The following OTUD4 variants were observed in gnomAD, a reference collection of about 807,000 sequenced individuals.
The protein encoded by OTUD4 is OTU domain-containing protein 4.
Under a neutral mutation model 130.4 loss-of-function variants are expected in OTUD4, and 24 were observed. The observed-to-expected ratio is 0.18, with a 90% CI of 0.13 to 0.26. The LOEUF is 0.26. Ranked by LOEUF, OTUD4 falls within the 10% of genes least tolerant of loss-of-function variation. OTUD4 has a pLI of 1.00. For missense variants in OTUD4, 1,031 were observed against 1,329.4 expected (o/e 0.78, Z 3.49); for synonymous variants, 420 against 472.5 (o/e 0.89, Z 1.44).
intron 2 of OTUD4, 112 bp downstream of exon 2, chr4:145,174,549 T>G: frequency 1.6e-6 from 1 of 640,904 alleles, no homozygotes. Flanking sequence ...ATAAGTGTTA[T>G]TTTCATAACC....
At chr4:145,149,533 CTTT>C (rs1294338949) in intron 13 of OTUD4, 2 of 152,064 alleles carry the variant, frequency 1.3e-5, no homozygotes, top group Non-Finnish European at 2.9e-5. Flanking sequence ...TCTTTCCTTT[CTTT>C]TTAAGACTAG....
intron 1 of OTUD4, 57 bp downstream of exon 1, chr4:145,179,756 CAG>C: frequency 1.4e-6 from 2 of 1,447,034 alleles, no homozygotes; most frequent in Non-Finnish European, 1.8e-6. Context: ...CCTCCCCACC[CAG>C]ACCCGCCGGG....
In OTUD4 at chr4:145,137,303, G is replaced by A. The variant is rs1579236422; in HGVS notation, c.*127C>T. The A allele has an allele frequency of 5.3e-6, 4 of 750,636 alleles. No homozygotes were observed. The East Asian group carries it at 7.5e-5, about 14-fold the overall frequency. The allele number at this position is 750,636 out of a possible 1,614,324, so 46.5% of individuals were successfully genotyped here. On this transcript the variant is annotated 3_prime_UTR_variant, in exon 21 of 21. Transcript: ENST00000447906. ...AAAATGTCTTGTCCAGTATGGGAGT[G>A]AAGGTAAGGGGGGCTGGGGAGAGGA...
chr4:145,154,905 C>T (rs1751216938), intron 10 of OTUD4, among the ~76,000 whole-genome samples: 1 of 152,244 alleles, frequency 6.6e-6, no homozygotes, highest in Non-Finnish European at 1.5e-5. Flanking sequence ...TTTAATCCAA[C>T]TTTTTCCTTT....
intron 14 of OTUD4, among the ~76,000 whole-genome samples, chr4:145,144,931 G>A (rs552652030): frequency 1.3e-5 from 2 of 152,220 alleles, no homozygotes; most frequent in East Asian, 3.9e-4. Context: ...AAATAAGTGA[G>A]GTTTTTAAGC....
intron 8 of OTUD4, 106 bp from the exon 9 acceptor site, chr4:145,155,792 AT>A: frequency 9.9e-7 from 1 of 1,011,746 alleles, no homozygotes; most frequent in East Asian, 2.5e-5. Context: ...ACTTCAAAAA[AT>A]TAGGAAGCCA....
rs1751458340 is a variant in OTUD4, at chr4:145,159,595, A to G, written c.537T>C (p.Thr179=). ...YELLYEKVFK[T]DVSKIVMELD... is the part of the protein sequence containing the mutation. ...GTTCCATCACAATTTTACTAACATC[A>G]GTTTTAAATACCTTCTCATACAGCA... The change falls in exon 7 of 21, where the codon ACT becomes ACC. Residue 179 remains threonine (T), a synonymous_variant. Transcript: ENST00000447906. 2.5e-6 allele frequency: 4 copies of G among 1,613,238 alleles called. No individual in the cohort carries two copies. Among genetic ancestry groups the G allele is most frequent in the Non-Finnish European group, 3.4e-6 (4 of 1,179,378 alleles).
At position 145,167,884 on chromosome 4, in the gene OTUD4, C is replaced by A. The variant is rs115312215; in HGVS notation, c.295-2687G>T. ...TAAAAAAAATTAAAAATGAAAAATTCTATCCATCTCAACAAAATGCTACAT... is the reference window on the plus strand; with the variant it reads ...TAAAAAAAATTAAAAATGAAAAATTATATCCATCTCAACAAAATGCTACAT... On this transcript the variant is annotated intron_variant, in intron 3 of 20. Coordinates refer to ENST00000447906, the MANE Select transcript of OTUD4 (RefSeq NM_001366057.1). Among the ~76,000 whole-genome samples, 637 of 152,016 alleles carry A rather than the reference C, an allele frequency of 4.2e-3. 5 individuals carry two copies. Among genetic ancestry groups the A allele is most frequent in the African/African-American group, 0.015 (602 of 41,450 alleles).
At chr4:145,160,033 T>C (rs1751482079) in intron 6 of OTUD4, among the ~76,000 whole-genome samples, 1 of 152,220 alleles carries the variant, frequency 6.6e-6, no homozygotes, top group Non-Finnish European at 1.5e-5. Flanking sequence ...AGCATTATTC[T>C]GATTCTACAG....
intron 6 of OTUD4, among the ~76,000 whole-genome samples, chr4:145,160,234 A>G (rs1181445322): frequency 1.3e-5 from 2 of 152,220 alleles, no homozygotes; most frequent in African/African-American, 2.4e-5. Context: ...AGCACTTCTC[A>G]GGTTGCTATA....
intron 10 of OTUD4, among the ~76,000 whole-genome samples, chr4:145,153,897 T>C (rs1465037810): frequency 6.6e-6 from 1 of 152,220 alleles, no homozygotes; most frequent in Non-Finnish European, 1.5e-5. Context: ...CTTACACACT[T>C]GAGTAAACAA....
rs1425888730 is a variant in OTUD4 at position 145,134,236 on chromosome 4, A to G, written c.*3194T>C. The G allele has an allele frequency of 6.5e-6, 1 of 153,248 alleles. No individual in the cohort carries two copies. Among genetic ancestry groups the G allele is most frequent in the African/African-American group, 2.4e-5 (1 of 41,438 alleles). The allele number at this position is 153,248 out of a possible 1,614,324, so 9.5% of individuals were successfully genotyped here. A position where few individuals can be genotyped will look rare whatever the true frequency, so the allele number is the denominator to read the frequency against. On this transcript the variant is annotated 3_prime_UTR_variant, in exon 21 of 21. Transcript: ENST00000447906. ...ATGAGACATTATTAGGATTTTAAAC[A>G]AACAATAGCATTTAGACATAAAGTA...
At chr4:145,146,124 A>C in intron 14 of OTUD4, 143 bp downstream of exon 14, 1 of 470,914 alleles carries the variant, frequency 2.1e-6, no homozygotes, top group Non-Finnish European at 3.5e-6. Context: ...AAGGAAAAAT[A>C]GGAAAAATGT....
chr4:145,172,542 C>G (rs1752227466), intron 2 of OTUD4, among the ~76,000 whole-genome samples: 1 of 152,162 alleles, frequency 6.6e-6, no homozygotes, highest in African/African-American at 2.4e-5. Context: ...CAATCGCACT[C>G]ATTTGAGAAA....
intron 13 of OTUD4, among the ~76,000 whole-genome samples, chr4:145,147,768 C>A (rs184461103): frequency 6.6e-6 from 1 of 152,162 alleles, no homozygotes; most frequent in South Asian, 2.1e-4. Context: ...ATATCCAGCA[C>A]TACGGTTCTC....
intron 11 of OTUD4, 41 bp from the exon 12 acceptor site, chr4:145,150,946 A>AG: frequency 8.4e-7 from 1 of 1,195,370 alleles, no homozygotes. Flanking sequence ...AAAATACCCT[A>AG]GTAAGAATAG....
chr4:145,160,115 G>GA (rs1394913896), intron 6 of OTUD4, among the ~76,000 whole-genome samples: 1 of 152,184 alleles, frequency 6.6e-6, no homozygotes, highest in African/African-American at 2.4e-5. Flanking sequence ...AAAACATTAA[G>GA]AAGCTTTAAG....
At chr4:145,159,928 G>C (rs560733875) in intron 6 of OTUD4, among the ~76,000 whole-genome samples, 1 of 152,170 alleles carries the variant, frequency 6.6e-6, no homozygotes, top group Non-Finnish European at 1.5e-5. Flanking sequence ...AGGACAACAG[G>C]AAAAGCCAAA....
chr4:145,151,974 G>A (rs1362181762), intron 11 of OTUD4, among the ~76,000 whole-genome samples: 4 of 152,132 alleles, frequency 2.6e-5, no homozygotes, highest in East Asian at 1.9e-4. Flanking sequence ...CCCATATTAC[G>A]ATCTAGTCAA....
Sources: gnomAD v4.1 joint callset for allele counts (sites outside exome capture counted in the v4.1 genomes callset) on GRCh38, gnomAD v4.1.1 for gene constraint, MANE v1.5 for transcripts, NCBI Gene and HGNC (gene_info 2026-07-23, HGNC 2026-07-21) for gene names.